Variants in AMN1 observed in about 807,000 individuals in gnomAD.
AMN1 encodes the protein protein AMN1 homolog.
In AMN1, 20 loss-of-function variants were observed where a neutral mutation model predicts 33.0. The observed-to-expected ratio is 0.61, with a 90% CI of 0.43 to 0.88. The LOEUF (loss-of-function observed/expected upper bound fraction) is 0.88. AMN1 is among the 40% of genes least tolerant of loss of function. The pLI is 0.00. For missense variants in AMN1, 246 were observed against 307.4 expected, an observed-to-expected ratio of 0.80 and a Z score of 1.49; for synonymous variants, 114 against 111.9, an observed-to-expected ratio of 1.02 and a Z score of -0.12.
chr12:31,707,689 T>G (rs1436803162), intron 2 of AMN1, among the ~76,000 whole-genome samples: 1 of 152,218 alleles, frequency 6.6e-6, no homozygotes, highest in African/African-American at 2.4e-5. Flanking sequence ...TCTGTGTTCC[T>G]TGAATTCAAT....
chr12:31,706,723 T>C (rs1469693800), intron 2 of AMN1, among the ~76,000 whole-genome samples: 2 of 152,202 alleles, frequency 1.3e-5, no homozygotes, highest in African/African-American at 4.8e-5. Flanking sequence ...TGGGGCTCTC[T>C]GCCTTGGAGC....
intron 1 of AMN1, among the ~76,000 whole-genome samples, chr12:31,713,341 CT>C (rs1189207236): frequency 3.3e-5 from 5 of 151,990 alleles, no homozygotes; most frequent in African/African-American, 1.2e-4. Flanking sequence ...TATTTTTCTA[CT>C]AAATGTGGAA....
chr12:31,720,459 G>C (rs1265732848), intron 1 of AMN1, among the ~76,000 whole-genome samples: 2 of 151,562 alleles, frequency 1.3e-5, no homozygotes, highest in African/African-American at 4.8e-5. Context: ...AAAATCGCTT[G>C]AACCATGGAG....
chr12:31,685,111 C>T (rs1292110630), intron 6 of AMN1, among the ~76,000 whole-genome samples: 1 of 151,584 alleles, frequency 6.6e-6, no homozygotes, highest in Non-Finnish European at 1.5e-5. Flanking sequence ...TCACTGTAAC[C>T]TCTGCCTTCC....
At chr12:31,723,026 T>G (rs1303537711) in intron 1 of AMN1, among the ~76,000 whole-genome samples, 1 of 152,008 alleles carries the variant, frequency 6.6e-6, no homozygotes, top group African/African-American at 2.4e-5. Context: ...GGTGTGGTAG[T>G]GCATGCCTGT....
At chr12:31,694,357 G>A (rs1354240551) in intron 5 of AMN1, among the ~76,000 whole-genome samples, 2 of 150,136 alleles carry the variant, frequency 1.3e-5, no homozygotes, top group Admixed American at 6.7e-5. Flanking sequence ...CAGAAGAATT[G>A]CTTGTACCTG....
chr12:31,697,789 A>C lies in AMN1; in HGVS notation c.485T>G (p.Leu162Ter). The change falls in exon 4 of 7, where the codon TTA becomes TGA. Residue 162 changes from leucine (L) to a stop codon, truncating the protein, a stop_gained. Transcript: ENST00000281471. LOFTEE classifies it high-confidence loss of function. ...LSITDVSLHA[L>*]GKNCPFLQCV... ...CTGCAAAAATGGGCAGTTTTTTCCT[A>C]ATGCATGTAAGGACACATCAGTAAT... The C allele has an allele frequency of 6.2e-7, 1 of 1,613,982 alleles. No individual in the cohort carries two copies. The highest frequency in any genetic ancestry group is 8.5e-7 in the Non-Finnish European group (1 of 1,179,882).
chr12:31,698,657 C>T lies in AMN1; in HGVS notation c.317-700G>A, dbSNP rs182195937. On this transcript the variant is annotated intron_variant, in intron 3 of 6. Coordinates refer to ENST00000281471, the MANE Select transcript of AMN1 (RefSeq NM_001113402.2). ...AACATGGTAGCACTGTTAAAAGATA[C>T]CTTTATGGGCAAAATACACAGAAGG... 4.4e-3 allele frequency among the ~76,000 whole-genome samples: 671 copies of T among 152,164 alleles called. 2 individuals carry two copies. Among genetic ancestry groups the T allele is most frequent in the Non-Finnish European group, 7.4e-3 (504 of 68,014 alleles).
At chr12:31,697,473 T>A in intron 4 of AMN1, 56 bp from the exon 5 acceptor site, 4 of 1,543,182 alleles carry the variant, frequency 2.6e-6, no homozygotes, top group Non-Finnish European at 3.6e-6. Flanking sequence ...GAAGTAGAAT[T>A]TTCCAAAATG....
chr12:31,705,948 C>T (rs1939217382), intron 2 of AMN1, among the ~76,000 whole-genome samples: 1 of 152,136 alleles, frequency 6.6e-6, no homozygotes, highest in Non-Finnish European at 1.5e-5. Flanking sequence ...TGTCTCCTGG[C>T]AGTTGGGTCC....
chr12:31,683,857 G>GA lies in AMN1; in HGVS notation c.703+5149dup, dbSNP rs1434072222. Reference sequence around the variant, plus strand: ...TTGAGTACTTGGCAGACTATTTCATGAAAATAGAAGAAATGAGGCTGTCAT... The same window carrying GA: ...TTGAGTACTTGGCAGACTATTTCATGAAAAATAGAAGAAATGAGGCTGTCAT... On this transcript the variant is annotated intron_variant, in intron 6 of 6. Transcript: ENST00000281471. The surrounding 1 kb of genome is among the most constrained non-coding windows in gnomAD (Gnocchi z 4.1). Among the ~76,000 whole-genome samples the GA allele has an allele frequency of 2.6e-5, 4 of 152,170 alleles. No homozygotes were observed. The highest frequency in any genetic ancestry group is 5.9e-5 in the Non-Finnish European group (4 of 68,030).
intron 1 of AMN1, chr12:31,715,407 T>C: frequency 4.9e-6 from 1 of 203,130 alleles, no homozygotes; most frequent in Non-Finnish European, 1.1e-5. Flanking sequence ...TCAACGTGCT[T>C]ATCTTTCTCT....
chr12:31,680,715 G>A (rs891172257), intron 6 of AMN1, among the ~76,000 whole-genome samples: 4 of 152,168 alleles, frequency 2.6e-5, no homozygotes, highest in African/African-American at 7.2e-5. Context: ...AGTGAGCAGT[G>A]CTAATCTGGG....
At chr12:31,689,769 A>G (rs1360928398) in intron 5 of AMN1, among the ~76,000 whole-genome samples, 1 of 152,224 alleles carries the variant, frequency 6.6e-6, no homozygotes, top group East Asian at 1.9e-4. Context: ...TTTTTTAAAA[A>G]TTTCCATAGA....
intron 6 of AMN1, among the ~76,000 whole-genome samples, chr12:31,681,078 G>C (rs1458027134): frequency 4.6e-5 from 7 of 152,156 alleles, no homozygotes; most frequent in Non-Finnish European, 8.8e-5. Flanking sequence ...AGTGGGAAGA[G>C]TAGAAGTGAT....
chr12:31,701,483 T>A (rs145328270), intron 3 of AMN1, among the ~76,000 whole-genome samples: 26 of 152,062 alleles, frequency 1.7e-4, no homozygotes, highest in Admixed American at 1.4e-3. Flanking sequence ...TTTGTAGAGA[T>A]GAGGTAGGGG....
intron 6 of AMN1, among the ~76,000 whole-genome samples, chr12:31,675,703 C>T (rs1245374832): frequency 6.6e-6 from 1 of 151,632 alleles, no homozygotes; most frequent in Non-Finnish European, 1.5e-5. Context: ...ACCATGCTGG[C>T]CAGGCTGGTC....
intron 6 of AMN1, chr12:31,672,675 C>T (rs751778678): frequency 1.2e-5 from 3 of 254,514 alleles, no homozygotes; most frequent in Non-Finnish European, 2.3e-5. Context: ...TCTAATTTCA[C>T]CATTAACCTG....
At position 31,687,652 on chromosome 12, in the gene AMN1, C is replaced by T. The variant is rs1433981532; in HGVS notation, c.703+1355G>A. On this transcript the variant is annotated intron_variant, in intron 6 of 6. Coordinates refer to ENST00000281471, the MANE Select transcript of AMN1 (RefSeq NM_001113402.2). The surrounding 1 kb of genome is among the most constrained non-coding windows in gnomAD (Gnocchi z 4.1). The stretch of plus-strand genomic sequence containing the variant: ...GAGCCAAGATTGCACCACTGCACTC[C>T]AGCCTCGGCGGGTGACAGAGCGAGA... Among the ~76,000 whole-genome samples the T allele has an allele frequency of 6.6e-6, 1 of 150,742 alleles. No individual in the cohort carries two copies. The highest frequency in any genetic ancestry group is 1.5e-5 in the Non-Finnish European group (1 of 67,862).
Sources: allele counts gnomAD v4.1 joint callset (sites outside exome capture counted in the v4.1 genomes callset), GRCh38; gene constraint gnomAD v4.1.1; non-coding constraint Gnocchi (gnomAD v3.1); transcripts MANE v1.5; gene names NCBI Gene and HGNC (gene_info 2026-07-23, HGNC 2026-07-21).